Variants in MAPRE2 observed in about 807,000 individuals in gnomAD.
MAPRE2 encodes microtubule-associated protein RP/EB family member 2.
MAPRE2 carries 13 observed loss-of-function variants against 43.2 expected under a neutral mutation model. The ratio of observed to expected loss-of-function variants is 0.30; its 90% CI spans 0.20 to 0.48. The LOEUF (loss-of-function observed/expected upper bound fraction) is 0.48. Ranked by LOEUF, MAPRE2 falls within the 20% of genes least tolerant of loss-of-function variation. The pLI, the probability that MAPRE2 is intolerant of heterozygous loss-of-function variation, is 0.99. For synonymous variants in MAPRE2, 135 were observed against 148.8 expected (o/e 0.91, Z 0.68); for missense variants, 161 against 400.2 (o/e 0.40, Z 5.10).
intron 1 of MAPRE2, among the ~76,000 whole-genome samples, chr18:34,985,732 TA>T (rs1432210444): frequency 2.3e-5 from 3 of 129,596 alleles, no homozygotes; most frequent in Non-Finnish European, 3.1e-5. Context: ...ATGTAATATA[TA>T]AATATATATT....
chr18:35,112,184 C>CTT (rs1163762591), intron 4 of MAPRE2, among the ~76,000 whole-genome samples: 12 of 141,012 alleles, frequency 8.5e-5, no homozygotes, highest in Non-Finnish European at 1.4e-4. Flanking sequence ...TCCTTCCTTC[C>CTT]TTTTTTTTTT....
chr18:35,101,473 G>A (rs1160900456), intron 3 of MAPRE2, among the ~76,000 whole-genome samples: 1 of 152,100 alleles, frequency 6.6e-6, no homozygotes, highest in Non-Finnish European at 1.5e-5. Flanking sequence ...TCACCCTGTT[G>A]TGCTATCAAA....
intron 4 of MAPRE2, among the ~76,000 whole-genome samples, chr18:35,103,264 A>G (rs182147045): frequency 1.6e-3 from 240 of 152,310 alleles, no homozygotes; most frequent in Admixed American, 6.5e-3. Flanking sequence ...ACTCATGTAG[A>G]TGAAGAGGAA....
chr18:34,993,890 A>G (rs1568965080), intron 1 of MAPRE2, among the ~76,000 whole-genome samples: 1 of 152,202 alleles, frequency 6.6e-6, no homozygotes, highest in Non-Finnish European at 1.5e-5. Context: ...TTTATGTCGA[A>G]TAACAAATTA....
chr18:35,030,860 T>A lies in MAPRE2; in HGVS notation c.-8+25307T>A, dbSNP rs146796240. On this transcript the variant is annotated intron_variant, in intron 2 of 7. Transcript: ENST00000413393. ...TCACACTCACTGTGCTACATACATG[T>A]GACCTGACTTCCTTAATGTTTCTTG... 2.3e-3 allele frequency among the ~76,000 whole-genome samples: 356 copies of A among 152,332 alleles called. 1 individual carries two copies. The highest frequency in any genetic ancestry group is 8.2e-3 in the African/African-American group (342 of 41,576).
In MAPRE2 at chr18:35,102,164, T is replaced by C. The variant is rs1422876976; in HGVS notation, c.610+5T>C. ...ATGCAAACTCCCCCACAGCAGGTAT[T>C]GTCACAATGAGATTGCGGGAGTTGC... On this transcript the variant is annotated splice_donor_5th_base_variant and intron_variant, in intron 4 of 6. Transcript: ENST00000300249. The C allele has an allele frequency of 7.0e-6, 11 of 1,577,678 alleles. No homozygotes were observed. Among genetic ancestry groups the C allele is most frequent in the Non-Finnish European group, 8.6e-6 (10 of 1,165,128 alleles).
chr18:34,993,205 A>G (rs1184804199), intron 1 of MAPRE2, among the ~76,000 whole-genome samples: 2 of 151,738 alleles, frequency 1.3e-5, no homozygotes, highest in Non-Finnish European at 2.9e-5. Flanking sequence ...CCCGGGCTCA[A>G]GTGACCCTCC....
At chr18:35,029,480 T>C (rs1372459987) in intron 2 of MAPRE2, among the ~76,000 whole-genome samples, 1 of 152,214 alleles carries the variant, frequency 6.6e-6, no homozygotes, top group Admixed American at 6.5e-5. Flanking sequence ...TGGAAGTCCC[T>C]GGTACCTGAT....
chr18:34,982,481 A>G (rs1262138686), intron 1 of MAPRE2, among the ~76,000 whole-genome samples: 1 of 151,992 alleles, frequency 6.6e-6, no homozygotes, highest in Non-Finnish European at 1.5e-5. Flanking sequence ...AATAAATCCA[A>G]CTCTACATAA....
chr18:35,000,548 G>A (rs1301287099), intron 1 of MAPRE2, among the ~76,000 whole-genome samples: 1 of 152,130 alleles, frequency 6.6e-6, no homozygotes, highest in East Asian at 1.9e-4. Flanking sequence ...CTGGAATTCT[G>A]GATTTGTTTG....
At chr18:35,134,600 G>A (rs770168644) in intron 6 of MAPRE2, among the ~76,000 whole-genome samples, 2 of 152,176 alleles carry the variant, frequency 1.3e-5, no homozygotes, top group African/African-American at 2.4e-5. Flanking sequence ...GGGAGGAAAC[G>A]AACATAGTAC....
At chr18:35,135,132 C>G in intron 6 of MAPRE2, among the ~76,000 whole-genome samples, 1 of 152,182 alleles carries the variant, frequency 6.6e-6, no homozygotes. Flanking sequence ...TTTATTGCAA[C>G]TTTGTGTCTG....
chr18:35,019,883 T>G (rs2150587062), intron 2 of MAPRE2, among the ~76,000 whole-genome samples: 1 of 152,198 alleles, frequency 6.6e-6, no homozygotes, highest in African/African-American at 2.4e-5. Context: ...TTAAAACCTT[T>G]TTCACATGTA....
At chr18:35,004,424 A>G (rs1004936766) in intron 1 of MAPRE2, among the ~76,000 whole-genome samples, 1 of 152,186 alleles carries the variant, frequency 6.6e-6, no homozygotes, top group African/African-American at 2.4e-5. Context: ...TATGCAAGTC[A>G]GGTCATTCAT....
chr18:35,133,916 A>G (rs1180352527), intron 6 of MAPRE2, among the ~76,000 whole-genome samples: 2 of 152,148 alleles, frequency 1.3e-5, no homozygotes, highest in Non-Finnish European at 2.9e-5. Flanking sequence ...ACACACATAC[A>G]TCCCAGCACC....
intron 1 of MAPRE2, among the ~76,000 whole-genome samples, chr18:34,998,595 G>A (rs1209188735): frequency 6.6e-6 from 1 of 151,706 alleles, no homozygotes; most frequent in Admixed American, 6.6e-5. Flanking sequence ...CCAAAGTGCT[G>A]GGATTACAGG....
intron 4 of MAPRE2, among the ~76,000 whole-genome samples, chr18:35,105,770 A>G (rs918008213): frequency 6.6e-6 from 1 of 152,106 alleles, no homozygotes; most frequent in African/African-American, 2.4e-5. Context: ...GTTAAAAAAA[A>G]AAACTTAAAA....
rs556572696 is a variant in MAPRE2 at position 35,041,467 on chromosome 18, G to T, written c.-73G>T. The T allele has an allele frequency of 1.0e-4, 166 of 1,610,928 alleles. 1 individual carries two copies. Among genetic ancestry groups the T allele is most frequent in the Admixed American group, 2.8e-4 (17 of 59,926 alleles). On this transcript the variant is annotated 5_prime_UTR_variant, in exon 1 of 7. Coordinates refer to ENST00000300249, the MANE Select transcript of MAPRE2 (RefSeq NM_014268.4). Reference sequence around the variant, plus strand: ...CACGGTCCGTGCGGAGCAGGCGAGCGAGCGGGAAGACGCAGCCACCTTCCT... The same window carrying T: ...CACGGTCCGTGCGGAGCAGGCGAGCTAGCGGGAAGACGCAGCCACCTTCCT...
intron 4 of MAPRE2, 86 bp downstream of exon 4, chr18:35,102,245 G>A (rs1908714655): frequency 1.0e-6 from 1 of 987,320 alleles, no homozygotes; most frequent in Non-Finnish European, 1.5e-6. Context: ...GTTTCTGACT[G>A]ATTCTTCTCA....
Sources: allele counts gnomAD v4.1 joint callset (sites outside exome capture counted in the v4.1 genomes callset), GRCh38; gene constraint gnomAD v4.1.1; transcripts MANE v1.5; gene names NCBI Gene and HGNC (gene_info 2026-07-23, HGNC 2026-07-21).